DENND6B: variants seen among roughly 807,000 people sequenced by gnomAD.
DENND6B encodes the protein protein DENND6B.
Under a neutral mutation model 85.1 loss-of-function variants are expected in DENND6B, and 73 were observed. The ratio of observed to expected loss-of-function variants is 0.86; its 90% confidence interval spans 0.71 to 1.04. The LOEUF is 1.04. Ranked by LOEUF, DENND6B falls within the 50% of genes least tolerant of loss-of-function variation. The pLI, the probability that DENND6B is intolerant of heterozygous loss-of-function variation, is 0.00. For synonymous variants in DENND6B, 357 were observed against 329.3 expected (o/e 1.08, Z -0.91); for missense variants, 715 against 785.8 (o/e 0.91, Z 1.08).
Position 50,309,290 on chromosome 22 carries a change from T to G in DENND6B, c.*2849A>C, listed in dbSNP as rs2068028870. 1 of 152,310 alleles carries G rather than the reference T, an allele frequency of 6.6e-6. No homozygotes were observed. 9.4% of individuals were successfully genotyped at this position (152,310 alleles called of 1,614,324 possible). A position where few individuals can be genotyped will look rare whatever the true frequency, so the allele number is the denominator to read the frequency against. On this transcript the variant is annotated 3_prime_UTR_variant, in exon 20 of 20. Coordinates refer to ENST00000413817, the MANE Select transcript of DENND6B (RefSeq NM_001001794.4). ...CAGTCCTCACCCTCGCCAACTAAGT[T>G]CTGCCCAGCAAGCCCTCTTGCCTGC...
intron 9 of DENND6B, 151 bp downstream of exon 9, chr22:50,315,563 G>A (rs1035357744): frequency 1.5e-5 from 14 of 945,706 alleles, no homozygotes; most frequent in Middle Eastern, 2.9e-4. Flanking sequence ...CCCACATGGC[G>A]CTGGCCATAC....
rs757041234 is a variant in DENND6B at position 50,318,015 on chromosome 22, G to A, written c.265C>T (p.Leu89Phe). The A allele has an allele frequency of 1.9e-6, 3 of 1,612,196 alleles. No individual in the cohort carries two copies. In the Admixed American group the frequency reaches 5.0e-5, roughly 27 times the overall value. The change falls in exon 4 of 20, where the codon CTT becomes TTT. Residue 89 changes from leucine to phenylalanine, a missense_variant. Physicochemically the swap from Leu to Phe is conservative, Grantham distance 22. Transcript: ENST00000413817. Reference sequence around the variant, plus strand: ...CGGAAGCTGAACTGAGTGTCTCCAAGGCAGCCTAAGAAGGGGCAGCCCCAC... The same window carrying A: ...CGGAAGCTGAACTGAGTGTCTCCAAAGCAGCCTAAGAAGGGGCAGCCCCAC... ...LSFPDSHSGC[L>F]GDTQFSFRMR...
At chr22:50,321,517 C>G (rs574010415) in intron 1 of DENND6B, among the ~76,000 whole-genome samples, 2 of 151,880 alleles carry the variant, frequency 1.3e-5, no homozygotes, top group African/African-American at 4.8e-5. Flanking sequence ...CACGCCACCA[C>G]GCCCGGCTAA....
chr22:50,315,258 G>A (rs1397817754), intron 9 of DENND6B, among the ~76,000 whole-genome samples: 1 of 152,102 alleles, frequency 6.6e-6, no homozygotes, highest in Non-Finnish European at 1.5e-5. Context: ...GTCACCCTGT[G>A]CCCATCCCAA....
At chr22:50,312,673 G>C in intron 17 of DENND6B, 48 bp from the exon 18 acceptor site, 1 of 1,384,158 alleles carries the variant, frequency 7.2e-7, no homozygotes, top group East Asian at 2.5e-5. Flanking sequence ...CCTGGGGATT[G>C]ACAGGCGGGG....
chr22:50,324,895 A>G (rs2042149993), intron 1 of DENND6B, among the ~76,000 whole-genome samples: 1 of 152,174 alleles, frequency 6.6e-6, no homozygotes, highest in African/African-American at 2.4e-5. Flanking sequence ...ATGCATCCCA[A>G]CTAGAGTCTT....
At chr22:50,323,467 G>C (rs1013366019) in intron 1 of DENND6B, among the ~76,000 whole-genome samples, 17 of 151,478 alleles carry the variant, frequency 1.1e-4, no homozygotes, top group African/African-American at 4.1e-4. Context: ...TGTATTTTTA[G>C]TAGAGACAGG....
Position 50,314,834 on chromosome 22 carries a change from G to C in DENND6B, c.846C>G (p.Pro282=). 1.9e-6 allele frequency: 3 copies of C among 1,610,838 alleles called. No homozygotes were observed. The highest frequency in any genetic ancestry group is 2.5e-6 in the Non-Finnish European group (3 of 1,179,062). Residue 282 remains proline (P), a synonymous_variant, in exon 10 of 20, where the codon CCC becomes CCG. Coordinates refer to ENST00000413817, the MANE Select transcript of DENND6B (RefSeq NM_001001794.4). ...CCAGCACCATCTCCGAGGACACGTC[G>C]GGCGAGGGTGCCAGGACTAGCAGGG... ...GEPLLVLAPS[P]DVSSEMVLAL... is the part of the protein sequence containing the mutation.
intron 13 of DENND6B, 152 bp from the exon 14 acceptor site, chr22:50,314,030 C>A: frequency 7.9e-7 from 1 of 1,266,560 alleles, no homozygotes; most frequent in East Asian, 2.5e-5. Context: ...ACCCCCCAGA[C>A]ACCGAGACCC....
At chr22:50,316,741 A>G in intron 5 of DENND6B, 5 of 1,401,368 alleles carry the variant, frequency 3.6e-6, no homozygotes, top group Non-Finnish European at 9.4e-7. Context: ...GGTGGCCAGA[A>G]TTTCTAGAAC....
rs750397725 is a variant in DENND6B at position 50,313,060 on chromosome 22, G to A, written c.1396C>T (p.Leu466=). The A allele has an allele frequency of 6.4e-7, 1 of 1,561,166 alleles. No homozygotes were observed. The highest frequency in any genetic ancestry group is 8.7e-7 in the Non-Finnish European group (1 of 1,153,408). The part of the protein sequence containing the change: ...PFSQDDFLRS[L]EHAGPQLTCI... ...GTGAGCTGGGGCCCAGCATGCTCCA[G>A]GCTACGCAGGAAGTCATCCTGGCTG... Residue 466 remains leucine, a synonymous_variant, in exon 17 of 20, where the codon CTG becomes TTG. Transcript: ENST00000413817.
chr22:50,319,268 AC>A, intron 1 of DENND6B: 1 of 984,764 alleles, frequency 1.0e-6, no homozygotes, highest in Non-Finnish European at 1.2e-6. Flanking sequence ...CTCCTTGCTG[AC>A]CCGCTCCTAT....
Position 50,317,966 on chromosome 22 carries a change from C to G in DENND6B, c.314G>C (p.Arg105Thr). 6.2e-7 allele frequency: 1 copy of G among 1,612,412 alleles called. No individual in the cohort carries two copies. The highest frequency in any genetic ancestry group is 8.5e-7 in the Non-Finnish European group (1 of 1,179,684). Residue 105 changes from arginine to threonine, a missense_variant, in exon 4 of 20, where the codon AGG becomes ACG. By Grantham distance (71) the Arg-to-Thr change is moderately conservative. Transcript: ENST00000413817. ...CCTGTCGTCGGCATGCCAGGGGCTC[C>G]TCTGCCCTCCACACTGGCGCATGCG... ...SFRMRQCGGQ[R>T]SPWHADDRHY...
Position 50,316,376 on chromosome 22 carries a change from C to T in DENND6B, c.553G>A (p.Glu185Lys). Residue 185 changes from glutamate (E) to lysine (K), a missense_variant, in exon 6 of 20, where the codon GAA (glutamate) becomes AAA (lysine). Transcript: ENST00000413817. ...EYFDKLAPCL[E>K]AVCSEIDQWP... ...ACGACTGATGGCCACTCACCTGCTT[C>T]CAGGCAGGGCGCCAGCTTGTCAAAG... The T allele has an allele frequency of 6.3e-7, 1 of 1,575,338 alleles. No homozygotes were observed. The highest frequency in any genetic ancestry group is 2.4e-5 in the East Asian group (1 of 42,192).
At chr22:50,323,699 G>A (rs1370272257) in intron 1 of DENND6B, among the ~76,000 whole-genome samples, 1 of 149,350 alleles carries the variant, frequency 6.7e-6, no homozygotes, top group Admixed American at 6.7e-5. Flanking sequence ...TAGGATTACA[G>A]GCATCAGCCA....
intron 1 of DENND6B, 52 bp from the exon 2 acceptor site, chr22:50,319,055 AC>A: frequency 6.4e-6 from 10 of 1,557,100 alleles, no homozygotes; most frequent in African/African-American, 1.4e-5. Flanking sequence ...AGGAGGCGAC[AC>A]CCCTCGACAG....
chr22:50,323,061 G>A (rs1204165793), intron 1 of DENND6B, among the ~76,000 whole-genome samples: 1 of 132,604 alleles, frequency 7.5e-6, no homozygotes, highest in Non-Finnish European at 1.6e-5. Flanking sequence ...TAGAGACGGG[G>A]TTTCACTGTG....
At position 50,312,190 on chromosome 22, in the gene DENND6B, C is replaced by T. The variant is rs753746427; in HGVS notation, c.1707G>A (p.Thr569=). ...TLQRAQLYIE[T]VIGSLPKDLQ... ...GGTCTTTGGGCAGGGAGCCGATGAC[C>T]GTCTCGATGTACAGCTGTGCCCGCT... Residue 569 remains threonine (T), a synonymous_variant, in exon 20 of 20, where the codon ACG becomes ACA. Transcript: ENST00000413817. 1.1e-5 allele frequency: 17 copies of T among 1,612,532 alleles called. No individual in the cohort carries two copies. Among genetic ancestry groups the T allele is most frequent in the South Asian group, 7.7e-5 (7 of 91,070 alleles).
chr22:50,313,743 C>A lies in DENND6B; in HGVS notation c.1204-19G>T. Reference sequence around the variant, plus strand: ...GCACGCCCTGCAGGGGAGAGAGGGCCAGGCCCTTGCTGCGCTTCACACCAC... The same window carrying A: ...GCACGCCCTGCAGGGGAGAGAGGGCAAGGCCCTTGCTGCGCTTCACACCAC... On this transcript the variant is annotated intron_variant, in intron 14 of 19. Coordinates refer to ENST00000413817, the MANE Select transcript of DENND6B (RefSeq NM_001001794.4). 1 of 1,605,410 alleles carries A rather than the reference C, an allele frequency of 6.2e-7. No individual in the cohort carries two copies. Among genetic ancestry groups the A allele is most frequent in the Non-Finnish European group, 8.5e-7 (1 of 1,177,294 alleles).
Sources: allele counts gnomAD v4.1 joint callset (sites outside exome capture counted in the v4.1 genomes callset), GRCh38; gene constraint gnomAD v4.1.1; transcripts MANE v1.5; gene names NCBI Gene and HGNC (gene_info 2026-07-23, HGNC 2026-07-21).